Variants in BCLAF3 observed in about 807,000 individuals in gnomAD.
The protein encoded by BCLAF3 is transient octamer binding factor 1.
In BCLAF3, 24 loss-of-function variants were observed where a neutral mutation model predicts 51.2. The ratio of observed to expected loss-of-function variants is 0.47; its 90% CI spans 0.34 to 0.66. BCLAF3 has a LOEUF of 0.66. BCLAF3 is among the 30% of genes least tolerant of loss of function. The pLI is 0.01. For missense variants in BCLAF3, 465 were observed against 525.1 expected (o/e 0.89, Z 1.12); for synonymous variants, 152 against 176.6 (o/e 0.86, Z 1.10).
intron 1 of BCLAF3, among the ~76,000 whole-genome samples, chrX:19,987,530 C>T (rs2072846133): frequency 8.9e-6 from 1 of 112,167 alleles, no homozygotes; most frequent in Non-Finnish European, 1.9e-5. Flanking sequence ...GTCTCAAACT[C>T]CTGACCTCAG....
In BCLAF3 at chrX:19,916,251, C is replaced by T. The variant is rs2147630787; in HGVS notation, c.*1054G>A. On this transcript the variant is annotated 3_prime_UTR_variant, in exon 12 of 12. Transcript: ENST00000379682. ...AATGCTCTCACAAACTGGCAAGTAA[C>T]TTATTTAAGCAGAAAGAGCAACAAC... 1 of 112,562 alleles carries T rather than the reference C, an allele frequency of 8.9e-6. No homozygotes were observed. Among genetic ancestry groups the T allele is most frequent in the South Asian group, 3.6e-4 (1 of 2,743 alleles). 9.3% of individuals were successfully genotyped at this position (112,562 alleles called of 1,213,427 possible). A position where few individuals can be genotyped will look rare whatever the true frequency, so the allele number is the denominator to read the frequency against.
rs1299936468 is a variant in BCLAF3, at chrX:19,921,133, C to T, written c.2107-3799G>A. On this transcript the variant is annotated intron_variant, in intron 11 of 11. Coordinates refer to ENST00000379682, the MANE Select transcript of BCLAF3 (RefSeq NM_001367774.2). ...TAAGATAGCTTAGGGTTAGACCTGGCTAACAAGTTTGGTCTCTTTTCTTGT... is the reference window on the plus strand; with the variant it reads ...TAAGATAGCTTAGGGTTAGACCTGGTTAACAAGTTTGGTCTCTTTTCTTGT... Among the ~76,000 whole-genome samples, 3 of 111,707 alleles carry T rather than the reference C, an allele frequency of 2.7e-5. No homozygotes were observed. The East Asian group carries it at 8.4e-4, about 31-fold the overall frequency.
At position 19,948,737 on chromosome X, in the gene BCLAF3, G is replaced by A. The variant is rs375301294; in HGVS notation, c.1745+2016C>T. Among the ~76,000 whole-genome samples the A allele has an allele frequency of 3.1e-3, 332 of 106,932 alleles. 2 individuals are homozygous for A. The highest frequency in any genetic ancestry group is 0.011 in the African/African-American group (316 of 28,953). The allele number at this position is 106,932 out of a possible 115,157, so 92.9% of individuals were successfully genotyped here. A position where few individuals can be genotyped will look rare whatever the true frequency, so the allele number is the denominator to read the frequency against. ...TGCAGTGAGCTGTGATTGTGCCTCT[G>A]TACTCCATCCTGGGTGACAGAGAGA... On this transcript the variant is annotated intron_variant, in intron 8 of 11. Coordinates refer to ENST00000379682, the MANE Select transcript of BCLAF3 (RefSeq NM_001367774.2).
At chrX:19,958,595 T>C (rs902590634) in intron 4 of BCLAF3, among the ~76,000 whole-genome samples, 3 of 112,258 alleles carry the variant, frequency 2.7e-5, no homozygotes, top group African/African-American at 9.7e-5. Context: ...GATACACGAA[T>C]AGTTACTGAT....
At chrX:19,976,385 G>A (rs1197889402) in intron 1 of BCLAF3, among the ~76,000 whole-genome samples, 28 of 111,716 alleles carry the variant, frequency 2.5e-4, no homozygotes, top group Non-Finnish European at 3.8e-5. Flanking sequence ...AAGAGAGTGG[G>A]AAAACAGAAT....
In BCLAF3 at chrX:19,917,193, A is replaced by T; in HGVS notation, c.*112T>A. 1 of 682,446 alleles carries T rather than the reference A, an allele frequency of 1.5e-6. No individual in the cohort carries two copies. Among genetic ancestry groups the T allele is most frequent in the Non-Finnish European group, 2.3e-6 (1 of 440,292 alleles). The allele number at this position is 682,446 out of a possible 1,213,427, so 56.2% of individuals were successfully genotyped here. On this transcript the variant is annotated 3_prime_UTR_variant, in exon 12 of 12. Coordinates refer to ENST00000379682, the MANE Select transcript of BCLAF3 (RefSeq NM_001367774.2). ...CACTACTAAAAAATAAAGTTATTTT[A>T]TCAAGAAGTTACAGTATTAGTGCCT...
rs1569511831 is a variant in BCLAF3 at position 19,990,921 on chromosome X, C to CG, written c.-49_-48insC. Among the ~76,000 whole-genome samples, 38 of 65,886 alleles carry CG rather than the reference C, an allele frequency of 5.8e-4. No homozygotes were observed. The highest frequency in any genetic ancestry group is 7.6e-3 in the Middle Eastern group (1 of 131). 57.2% of individuals were successfully genotyped at this position (65,886 alleles called of 115,157 possible). ...CGAGCCGCTCACCCGGCCGGGAAGC[C>CG]CCCGCCGCCGCCGCCGCCGCCGCCG... is the stretch of plus-strand genomic sequence containing the variant. On this transcript the variant is annotated 5_prime_UTR_variant, in exon 1 of 12. Coordinates refer to ENST00000379682, the MANE Select transcript of BCLAF3 (RefSeq NM_001367774.2).
intron 1 of BCLAF3, among the ~76,000 whole-genome samples, chrX:19,982,449 T>TAA (rs2055260986): frequency 9.0e-6 from 1 of 110,619 alleles, no homozygotes; most frequent in African/African-American, 3.3e-5. Flanking sequence ...GGGTAGCTGT[T>TAA]ATCTGTTATT....
At chrX:19,955,676 T>A (rs2071635757) in intron 4 of BCLAF3, 110 bp from the exon 5 acceptor site, 2 of 601,185 alleles carry the variant, frequency 3.3e-6, no homozygotes. Flanking sequence ...TCTTTTCTTA[T>A]AATTAAGGCA....
intron 5 of BCLAF3, 123 bp from the exon 6 acceptor site, chrX:19,954,015 T>G: frequency 9.5e-7 from 1 of 1,055,559 alleles, no homozygotes; most frequent in Non-Finnish European, 1.2e-6. Flanking sequence ...TAAAAATATG[T>G]GGGACCCAAA....
intron 10 of BCLAF3, among the ~76,000 whole-genome samples, chrX:19,935,170 G>T (rs1394381625): frequency 9.4e-6 from 1 of 106,423 alleles, no homozygotes; most frequent in African/African-American, 3.4e-5. Flanking sequence ...GGCGACAGAG[G>T]GAGACTCCAT....
chrX:19,953,116 A>G, intron 6 of BCLAF3, 65 bp from the exon 7 acceptor site: 1 of 866,958 alleles, frequency 1.2e-6, no homozygotes, highest in Admixed American at 2.9e-5. Flanking sequence ...TGATTCTACT[A>G]TTACAGAACA....
At chrX:19,937,196 C>T (rs2070797847) in intron 9 of BCLAF3, 1 of 376,450 alleles carries the variant, frequency 2.7e-6, no homozygotes, top group Non-Finnish European at 4.6e-6. Flanking sequence ...CTTAAGAAAG[C>T]TAGATTTATT....
At chrX:19,936,106 T>C (rs2070746979) in intron 9 of BCLAF3, among the ~76,000 whole-genome samples, 1 of 111,788 alleles carries the variant, frequency 8.9e-6, no homozygotes, top group Non-Finnish European at 1.9e-5. Flanking sequence ...CCATGCTAGT[T>C]TGTGAGGAGC....
chrX:19,955,337 T>C (rs774648687), intron 5 of BCLAF3, 54 bp downstream of exon 5: 1 of 951,996 alleles, frequency 1.1e-6, no homozygotes, highest in South Asian at 2.7e-5. Flanking sequence ...CTGTATCTCG[T>C]GAATAGTATA....
intron 4 of BCLAF3, 47 bp from the exon 5 acceptor site, chrX:19,955,613 G>A (rs1227214693): frequency 2.9e-6 from 3 of 1,051,011 alleles, no homozygotes; most frequent in African/African-American, 3.9e-5. Flanking sequence ...CTATTTTGTG[G>A]AGAAAAGAAT....
intron 4 of BCLAF3, among the ~76,000 whole-genome samples, chrX:19,963,610 G>C (rs1351425313): frequency 2.7e-5 from 3 of 111,191 alleles, no homozygotes; most frequent in African/African-American, 9.8e-5. Context: ...AATCATAAAT[G>C]CTTTCTGAGC....
At chrX:19,919,457 G>C (rs2070054636) in intron 11 of BCLAF3, among the ~76,000 whole-genome samples, 1 of 111,990 alleles carries the variant, frequency 8.9e-6, no homozygotes, top group East Asian at 2.8e-4. Context: ...TGAGGCAGGA[G>C]AATCACTTGA....
chrX:19,934,541 T>C, intron 10 of BCLAF3, among the ~76,000 whole-genome samples: 1 of 112,657 alleles, frequency 8.9e-6, no homozygotes, highest in Non-Finnish European at 1.9e-5. Context: ...GCTAAAAATG[T>C]AATCTATTCA....
Sources: gnomAD v4.1 joint callset for allele counts (sites outside exome capture counted in the v4.1 genomes callset) on GRCh38, gnomAD v4.1.1 for gene constraint, MANE v1.5 for transcripts, NCBI Gene and HGNC (gene_info 2026-07-23, HGNC 2026-07-21) for gene names.